The following HOMER2 variants were observed in gnomAD, a reference collection of about 807,000 sequenced individuals.
HOMER2 encodes homer protein homolog 2.
In HOMER2, 27 loss-of-function variants were observed where a neutral mutation model predicts 47.0. The observed-to-expected ratio is 0.57, with a 90% CI of 0.42 to 0.79. HOMER2 has a LOEUF of 0.79. HOMER2 is among the 30% of genes least tolerant of loss of function. HOMER2 has a pLI of 0.00. For missense variants in HOMER2, 443 were observed against 435.0 expected (o/e 1.02, Z -0.16); for synonymous variants, 161 against 163.8 (o/e 0.98, Z 0.13).
intron 1 of HOMER2, among the ~76,000 whole-genome samples, chr15:82,964,769 C>CA (rs988517235): frequency 2.0e-5 from 3 of 151,838 alleles, no homozygotes; most frequent in Admixed American, 6.6e-5. Flanking sequence ...GACTCCATCT[C>CA]AAAAAAACAA....
intron 2 of HOMER2, among the ~76,000 whole-genome samples, chr15:82,889,232 G>A (rs187439116): frequency 1.1e-4 from 16 of 152,286 alleles, no homozygotes; most frequent in Admixed American, 3.9e-4. Flanking sequence ...AACAAAGTGG[G>A]GCTGACCCAG....
At chr15:82,869,426 A>T (rs1596313696) in intron 3 of HOMER2, among the ~76,000 whole-genome samples, 1 of 145,986 alleles carries the variant, frequency 6.8e-6, no homozygotes, top group African/African-American at 2.6e-5. Context: ...CTTCCATGCA[A>T]TTATATGATT....
upstream of HOMER2, among the ~76,000 whole-genome samples, chr15:82,953,350 G>A (rs927544768): frequency 1.3e-5 from 2 of 152,152 alleles, no homozygotes; most frequent in Non-Finnish European, 2.9e-5. Flanking sequence ...TTTTAAGGCG[G>A]CTTCATCAAG....
intron 1 of HOMER2, among the ~76,000 whole-genome samples, chr15:82,962,493 A>C (rs1008475520): frequency 6.6e-6 from 1 of 151,946 alleles, no homozygotes; most frequent in Admixed American, 6.6e-5. Context: ...CCTGACCAAC[A>C]CGGCGAAATG....
rs932014402 is a variant in HOMER2 at position 82,937,442 on chromosome 15, T to TA, written c.5+15088dup. Among the ~76,000 whole-genome samples the TA allele has an allele frequency of 5.6e-4, 85 of 152,120 alleles. 1 individual carries two copies. The highest frequency in any genetic ancestry group is 1.9e-3 in the African/African-American group (78 of 41,394). ...TCCCTGAGTTCCATGAGACACACGT[T>TA]AAGTCAGAGAGTTGGGAGGGACACA... On this transcript the variant is annotated intron_variant, in intron 1 of 8. Coordinates refer to ENST00000450735, the MANE Select transcript of HOMER2 (RefSeq NM_004839.4).
intron 1 of HOMER2, among the ~76,000 whole-genome samples, chr15:82,951,035 A>C (rs1031014144): frequency 6.6e-6 from 1 of 152,002 alleles, no homozygotes; most frequent in Admixed American, 6.6e-5. Context: ...TTCCCTGTAC[A>C]TTTTTTTAAA....
At chr15:82,834,894 C>A (rs1035131232), downstream of HOMER2, 3 of 152,022 alleles carry the variant, frequency 2.0e-5, no homozygotes, top group African/African-American at 7.3e-5. Context: ...TCCTCAGGAA[C>A]TGAAGTCTCA....
At chr15:82,949,434 A>G (rs1462181928) in intron 1 of HOMER2, among the ~76,000 whole-genome samples, 1 of 152,030 alleles carries the variant, frequency 6.6e-6, no homozygotes, top group African/African-American at 2.4e-5. Flanking sequence ...TTTTGAGGAG[A>G]GGGAGTGGTC....
At chr15:82,935,220 T>C (rs1478426914) in intron 1 of HOMER2, among the ~76,000 whole-genome samples, 1 of 152,100 alleles carries the variant, frequency 6.6e-6, no homozygotes, top group African/African-American at 2.4e-5. Flanking sequence ...CAAAATGTGG[T>C]CCACATAACC....
At chr15:82,853,503 T>C (rs962651228) in intron 6 of HOMER2, among the ~76,000 whole-genome samples, 12 of 152,076 alleles carry the variant, frequency 7.9e-5, no homozygotes, top group Admixed American at 5.9e-4. Context: ...AGGGCTGGGA[T>C]GCAGGGGCCC....
intron 1 of HOMER2, among the ~76,000 whole-genome samples, chr15:82,983,091 A>C (rs2030450268): frequency 6.6e-6 from 1 of 152,184 alleles, no homozygotes; most frequent in Non-Finnish European, 1.5e-5. Context: ...GCCTACCTTA[A>C]ACATGCTCAG....
In HOMER2 at chr15:82,942,309, T is replaced by C. The variant is rs1331700336; in HGVS notation, c.5+10222A>G. ...GTACTCAACATTCAGGTGATGGTCATTGGCCAAAGGATCAAGAAAGGTAAA... is the reference window on the plus strand; with the variant it reads ...GTACTCAACATTCAGGTGATGGTCACTGGCCAAAGGATCAAGAAAGGTAAA... On this transcript the variant is annotated intron_variant, in intron 1 of 8. Transcript: ENST00000450735. 2.0e-5 allele frequency among the ~76,000 whole-genome samples: 3 copies of C among 152,214 alleles called. No individual in the cohort carries two copies. In the East Asian group the frequency reaches 5.8e-4, roughly 29 times the overall value.
At chr15:82,902,232 C>G (rs2053144803) in intron 1 of HOMER2, among the ~76,000 whole-genome samples, 1 of 144,680 alleles carries the variant, frequency 6.9e-6, no homozygotes, top group Non-Finnish European at 1.5e-5. Flanking sequence ...GAGTCTCTCT[C>G]TGTCACCCAG....
intron 1 of HOMER2, among the ~76,000 whole-genome samples, chr15:82,947,043 T>A (rs116798112): frequency 6.6e-6 from 1 of 152,214 alleles, no homozygotes; most frequent in African/African-American, 2.4e-5. Flanking sequence ...AAATATAAGC[T>A]CCCCAAGGGC....
At chr15:82,859,303 T>TG (rs1359994142) in intron 4 of HOMER2, 168 bp from the exon 5 acceptor site, 6 of 751,390 alleles carry the variant, frequency 8.0e-6, no homozygotes, top group African/African-American at 3.9e-5. Flanking sequence ...AACAAGTTTT[T>TG]GTTTTTTTTT....
At chr15:82,945,112 A>T (rs2054347413) in intron 1 of HOMER2, among the ~76,000 whole-genome samples, 1 of 152,108 alleles carries the variant, frequency 6.6e-6, no homozygotes, top group Non-Finnish European at 1.5e-5. Flanking sequence ...TGACACAGGC[A>T]CTGCAAATTA....
intron 1 of HOMER2, among the ~76,000 whole-genome samples, chr15:82,970,344 A>G (rs961308762): frequency 8.5e-5 from 13 of 152,252 alleles, no homozygotes; most frequent in African/African-American, 3.1e-4. Flanking sequence ...TCTTATCGCC[A>G]GTGATTTTAT....
intron 3 of HOMER2, among the ~76,000 whole-genome samples, chr15:82,869,552 C>T (rs1256438): frequency 6.7e-6 from 1 of 148,560 alleles, no homozygotes; most frequent in Non-Finnish European, 1.5e-5. Context: ...CTGCCTCCCG[C>T]GTTCAAGTGA....
intron 1 of HOMER2, among the ~76,000 whole-genome samples, chr15:82,933,838 C>T (rs1044222991): frequency 1.3e-5 from 2 of 152,198 alleles, no homozygotes; most frequent in Admixed American, 6.5e-5. Context: ...CTCTCTCACA[C>T]TCACGAAAGA....
Sources: allele counts gnomAD v4.1 joint callset (sites outside exome capture counted in the v4.1 genomes callset), GRCh38; gene constraint gnomAD v4.1.1; transcripts MANE v1.5; gene names NCBI Gene and HGNC (gene_info 2026-07-23, HGNC 2026-07-21).